The following MALRD1 variants were observed in gnomAD, a reference collection of about 807,000 sequenced individuals.
MALRD1 encodes MAM and LDL receptor class A domain containing 1, also known as MAM and LDL-receptor class A domain-containing protein 1.
MALRD1 carries 247 observed loss-of-function variants against 242.1 expected under a neutral mutation model. The observed-to-expected ratio is 1.02, with a 90% CI of 0.92 to 1.13. The LOEUF is 1.13. Among genes scored for constraint, MALRD1 ranks in the 50% most tolerant of loss-of-function variants. MALRD1 has a pLI of 0.00. For synonymous variants in MALRD1, 995 were observed against 866.6 expected (o/e 1.15, Z -2.60); for missense variants, 2,989 against 2,533.1 (o/e 1.18, Z -3.86).
chr10:19,378,512 A>G (rs1053269889), intron 26 of MALRD1, among the ~76,000 whole-genome samples: 15 of 152,194 alleles, frequency 9.9e-5, no homozygotes, highest in African/African-American at 2.9e-4. Flanking sequence ...ATCAATCAGT[A>G]TATGGTCTAC....
rs201788573 is a variant in MALRD1 at position 19,289,032 on chromosome 10, A to C, written c.3419+5851A>C. 2.6e-4 allele frequency among the ~76,000 whole-genome samples: 39 copies of C among 152,002 alleles called. No homozygotes were observed. The East Asian group carries it at 7.5e-3, about 29-fold the overall frequency. On this transcript the variant is annotated intron_variant, in intron 21 of 39. Coordinates refer to ENST00000454679, the MANE Select transcript of MALRD1 (RefSeq NM_001142308.3). ...TTAAGATGGCTCCAGTTTTTTATTT[A>C]ATATGTTTTAATTTTTAAAGTTTTT...
At chr10:19,415,143 T>G (rs1833462420) in intron 28 of MALRD1, among the ~76,000 whole-genome samples, 1 of 152,186 alleles carries the variant, frequency 6.6e-6, no homozygotes, top group Non-Finnish European at 1.5e-5. Flanking sequence ...ACCAAAACTA[T>G]AATTCAATAC....
In MALRD1 at chr10:19,168,219, G is replaced by A. The variant is rs748402030; in HGVS notation, c.1830+2409G>A. On this transcript the variant is annotated intron_variant, in intron 13 of 39. Coordinates refer to ENST00000454679, the MANE Select transcript of MALRD1 (RefSeq NM_001142308.3). ...ATGGACAAAGACGTCATGAATACTA[G>A]CAGCTCTTAATTGGGAAGCATTTGA... is the stretch of plus-strand genomic sequence containing the variant. Among the ~76,000 whole-genome samples, 57 of 152,264 alleles carry A rather than the reference G, an allele frequency of 3.7e-4. No homozygotes were observed. In the Middle Eastern group the frequency reaches 0.01, roughly 27 times the overall value.
chr10:19,704,668 T>G (rs1353504852), intron 38 of MALRD1, among the ~76,000 whole-genome samples: 5 of 152,186 alleles, frequency 3.3e-5, no homozygotes, highest in Non-Finnish European at 7.3e-5. Flanking sequence ...TCCACAAACG[T>G]TTATTAAGAC....
At chr10:19,471,294 C>G (rs1399657982) in intron 29 of MALRD1, among the ~76,000 whole-genome samples, 1 of 151,762 alleles carries the variant, frequency 6.6e-6, no homozygotes, top group Admixed American at 6.6e-5. Context: ...GTCTATGGGT[C>G]TGGTTTTAAT....
rs192572628 is a variant in MALRD1, at chr10:19,551,248, G to A, written c.5479-16254G>A. On this transcript the variant is annotated intron_variant, in intron 32 of 39. Transcript: ENST00000454679. ...CAGTATGCAAATATTTCCTCCCATC[G>A]TCTCTGATATTTTTGTCATCTCCCA... Among the ~76,000 whole-genome samples, 23 of 151,890 alleles carry A rather than the reference G, an allele frequency of 1.5e-4. No individual in the cohort carries two copies. In the East Asian group the frequency reaches 2.5e-3, roughly 17 times the overall value.
At chr10:19,712,575 G>A (rs1834179238) in intron 38 of MALRD1, among the ~76,000 whole-genome samples, 1 of 152,190 alleles carries the variant, frequency 6.6e-6, no homozygotes, top group African/African-American at 2.4e-5. Flanking sequence ...GAAGCTGCTA[G>A]GTGATTGCTA....
chr10:19,582,345 T>C (rs575325495), intron 33 of MALRD1, among the ~76,000 whole-genome samples: 1 of 149,790 alleles, frequency 6.7e-6, no homozygotes, highest in East Asian at 2.0e-4. Context: ...CTAGGGTTTT[T>C]ATGGTTTTAG....
intron 36 of MALRD1, among the ~76,000 whole-genome samples, chr10:19,649,803 T>C (rs1415458955): frequency 2.0e-5 from 3 of 152,140 alleles, no homozygotes; most frequent in Non-Finnish European, 4.4e-5. Flanking sequence ...TTCTGCCCAT[T>C]CCTATGTCCA....
chr10:19,572,856 A>C lies in MALRD1; in HGVS notation c.5680+5153A>C, dbSNP rs574684044. The stretch of plus-strand genomic sequence containing the variant: ...GGTCAGCTAAAAAGAAGCTAAGAGA[A>C]AGGAGTGGAGCAGCTTCTCCCCAGA... On this transcript the variant is annotated intron_variant, in intron 33 of 39. Transcript: ENST00000454679. Among the ~76,000 whole-genome samples, 4 of 152,190 alleles carry C rather than the reference A, an allele frequency of 2.6e-5. No homozygotes were observed. The East Asian group carries it at 7.8e-4, about 30-fold the overall frequency.
intron 33 of MALRD1, among the ~76,000 whole-genome samples, chr10:19,588,702 G>T (rs966517361): frequency 6.6e-6 from 1 of 152,164 alleles, no homozygotes; most frequent in African/African-American, 2.4e-5. Flanking sequence ...GAATGCAATG[G>T]CGCAACCTCT....
chr10:19,531,182 A>G lies in MALRD1; in HGVS notation c.5321-12A>G. 2.0e-6 allele frequency: 3 copies of G among 1,534,662 alleles called. No individual in the cohort carries two copies. The highest frequency in any genetic ancestry group is 2.6e-6 in the Non-Finnish European group (3 of 1,137,034). ...CATTACACTGAAAAAAATTTTGTTAATCTATTTCAAGGTAGTGGTCAGCAC... is the reference window on the plus strand; with the variant it reads ...CATTACACTGAAAAAAATTTTGTTAGTCTATTTCAAGGTAGTGGTCAGCAC... On this transcript the variant is annotated splice_polypyrimidine_tract_variant and intron_variant, in intron 31 of 39. Transcript: ENST00000454679.
intron 18 of MALRD1, among the ~76,000 whole-genome samples, chr10:19,220,020 G>A (rs1481427218): frequency 6.6e-6 from 1 of 152,076 alleles, no homozygotes; most frequent in Non-Finnish European, 1.5e-5. Flanking sequence ...GACAGTTGAT[G>A]TACTTTTTCT....
chr10:19,705,280 C>G (rs1462826526), intron 38 of MALRD1, among the ~76,000 whole-genome samples: 1 of 152,164 alleles, frequency 6.6e-6, no homozygotes, highest in Non-Finnish European at 1.5e-5. Flanking sequence ...CTTGCTTACT[C>G]TATACCTCAA....
At chr10:19,315,610 A>ATAT (rs1228653998) in intron 21 of MALRD1, among the ~76,000 whole-genome samples, 1 of 85,832 alleles carries the variant, frequency 1.2e-5, no homozygotes, top group Admixed American at 1.4e-4. Flanking sequence ...TAAATTATAA[A>ATAT]TATTTATATA....
At chr10:19,528,443 A>C (rs982486633) in intron 31 of MALRD1, among the ~76,000 whole-genome samples, 3 of 152,104 alleles carry the variant, frequency 2.0e-5, no homozygotes, top group African/African-American at 7.2e-5. Flanking sequence ...AAATACAAAA[A>C]TTAGCTGGGC....
At chr10:19,252,010 C>T (rs1201462382) in intron 18 of MALRD1, among the ~76,000 whole-genome samples, 1 of 152,000 alleles carries the variant, frequency 6.6e-6, no homozygotes. Flanking sequence ...GCCTCCCAAG[C>T]CATGCTTACT....
chr10:19,606,960 T>G (rs1030805763), intron 34 of MALRD1, among the ~76,000 whole-genome samples: 1 of 152,138 alleles, frequency 6.6e-6, no homozygotes, highest in Non-Finnish European at 1.5e-5. Flanking sequence ...AGCTTCCTAA[T>G]AGACAAATCA....
Position 19,238,525 on chromosome 10 carries a change from TAA to T in MALRD1, c.2992-19158_2992-19157del, listed in dbSNP as rs1344851216. Among the ~76,000 whole-genome samples the T allele has an allele frequency of 1.0e-3, 97 of 96,576 alleles. 8 individuals are homozygous for T. The highest frequency in any genetic ancestry group is 4.0e-3 in the African/African-American group (94 of 23,740). The allele number at this position is 96,576 out of a possible 152,430, so 63.4% of individuals were successfully genotyped here. On this transcript the variant is annotated intron_variant, in intron 18 of 39. Transcript: ENST00000454679. ...TATAATATATAATGTATATTATATA[TAA>T]TATACATTATATATAATATATAATG... is the stretch of plus-strand genomic sequence containing the variant.
Sources: allele counts gnomAD v4.1 joint callset (sites outside exome capture counted in the v4.1 genomes callset), GRCh38; gene constraint gnomAD v4.1.1; transcripts MANE v1.5; gene names NCBI Gene and HGNC (gene_info 2026-07-23, HGNC 2026-07-21).